The following BMPR2 variants were observed in gnomAD, a reference collection of about 807,000 sequenced individuals.
BMPR2 encodes the protein bone morphogenetic protein receptor type 2, also known as bone morphogenetic protein receptor type-2.
BMPR2 carries 29 observed loss-of-function variants against 100.8 expected under a neutral mutation model. The ratio of observed to expected loss-of-function variants is 0.29; its 90% confidence interval spans 0.21 to 0.39. The LOEUF (loss-of-function observed/expected upper bound fraction) is 0.39. BMPR2 is among the 10% of genes least tolerant of loss of function. The probability of loss-of-function intolerance (pLI) is 1.00; values close to 1 mark genes in which losing one functional copy is unlikely to be tolerated. For missense variants in BMPR2, 1,011 were observed against 1,274.5 expected, an observed-to-expected ratio of 0.79 and a Z score of 3.15; for synonymous variants, 382 against 442.3, an observed-to-expected ratio of 0.86 and a Z score of 1.71.
At chr2:202,500,404 T>A (rs950312711) in intron 3 of BMPR2, among the ~76,000 whole-genome samples, 1 of 152,220 alleles carries the variant, frequency 6.6e-6, no homozygotes, top group African/African-American at 2.4e-5. Flanking sequence ...AGGCTGGAGC[T>A]ATTATCTACA....
intron 1 of BMPR2, among the ~76,000 whole-genome samples, chr2:202,448,144 C>CTT (rs138944076): frequency 4.9e-5 from 7 of 143,170 alleles, no homozygotes; most frequent in East Asian, 2.0e-4. Context: ...AAGTATTTGA[C>CTT]TTTTTTTTTT....
chr2:202,511,882 G>A (rs969566154), intron 3 of BMPR2, among the ~76,000 whole-genome samples: 3 of 151,960 alleles, frequency 2.0e-5, no homozygotes, highest in African/African-American at 7.3e-5. Flanking sequence ...TTATCCAGGT[G>A]TGGTGCTACA....
At chr2:202,449,315 A>T (rs1691928153) in intron 1 of BMPR2, among the ~76,000 whole-genome samples, 1 of 106,398 alleles carries the variant, frequency 9.4e-6, no homozygotes, top group Admixed American at 8.7e-5. Context: ...TCTCAAATAA[A>T]TAAATAAATA....
intron 1 of BMPR2, among the ~76,000 whole-genome samples, chr2:202,435,207 C>CA (rs1291841878): frequency 4.1e-5 from 6 of 145,304 alleles, no homozygotes; most frequent in African/African-American, 8.0e-5. Context: ...TGAAAAAAGA[C>CA]AAAAAAATTA....
chr2:202,538,749 G>A (rs186632243), intron 9 of BMPR2, among the ~76,000 whole-genome samples: 128 of 147,110 alleles, frequency 8.7e-4, no homozygotes, highest in African/African-American at 3.1e-3. Flanking sequence ...AGCAGAGATC[G>A]CGCCACCGCA....
intron 9 of BMPR2, among the ~76,000 whole-genome samples, chr2:202,534,433 T>C (rs1023963905): frequency 2.0e-5 from 3 of 151,644 alleles, no homozygotes. Context: ...TGTCCCTGGG[T>C]ACTTGAGATT....
Position 202,414,461 on chromosome 2 carries a change from T to G in BMPR2, c.76+36911T>G, listed in dbSNP as rs149203067. 1.7e-4 allele frequency among the ~76,000 whole-genome samples: 26 copies of G among 152,268 alleles called. 1 individual carries two copies. Among genetic ancestry groups the G allele is most frequent in the African/African-American group, 6.3e-4 (26 of 41,570 alleles). On this transcript the variant is annotated intron_variant, in intron 1 of 12. Coordinates refer to ENST00000374580, the MANE Select transcript of BMPR2 (RefSeq NM_001204.7). ...AGAGTTGCACGTTTTTCACTTTAAATCAAAAGCTAAAAATGATTAGGCTTA... is the reference window on the plus strand; with the variant it reads ...AGAGTTGCACGTTTTTCACTTTAAAGCAAAAGCTAAAAATGATTAGGCTTA...
Position 202,466,861 on chromosome 2 carries a change from G to A in BMPR2, c.248-658G>A, listed in dbSNP as rs543764943. Among the ~76,000 whole-genome samples the A allele has an allele frequency of 7.2e-5, 11 of 151,794 alleles. No individual in the cohort carries two copies. The East Asian group carries it at 2.1e-3, about 29-fold the overall frequency. ...GATCCTCCTGCTTTGGCTTCCCAAC[G>A]TGCTGGGATTCTAGGCGTGAGCCAC... On this transcript the variant is annotated intron_variant, in intron 2 of 12. Coordinates refer to ENST00000374580, the MANE Select transcript of BMPR2 (RefSeq NM_001204.7).
intron 1 of BMPR2, among the ~76,000 whole-genome samples, chr2:202,381,694 C>T (rs1325846499): frequency 6.6e-6 from 1 of 152,182 alleles, no homozygotes; most frequent in Admixed American, 6.5e-5. Context: ...GGAGGCTTTT[C>T]TTACCCTTTG....
intron 1 of BMPR2, among the ~76,000 whole-genome samples, chr2:202,402,203 G>A (rs1241469251): frequency 2.0e-5 from 3 of 152,182 alleles, no homozygotes; most frequent in Non-Finnish European, 2.9e-5. Flanking sequence ...TGTGTCAAAT[G>A]AGTTTAGCAT....
At chr2:202,398,224 G>A (rs1394741907) in intron 1 of BMPR2, among the ~76,000 whole-genome samples, 1 of 151,938 alleles carries the variant, frequency 6.6e-6, no homozygotes, top group South Asian at 2.1e-4. Flanking sequence ...CTACTTAAAT[G>A]AGACTGTAGA....
At chr2:202,533,628 G>A (rs2106021052) in intron 9 of BMPR2, among the ~76,000 whole-genome samples, 1 of 152,200 alleles carries the variant, frequency 6.6e-6, no homozygotes, top group South Asian at 2.1e-4. Flanking sequence ...TTCGAGACCA[G>A]CCTGGCCAAT....
chr2:202,548,524 C>T (rs1250905332), intron 10 of BMPR2, among the ~76,000 whole-genome samples: 1 of 152,040 alleles, frequency 6.6e-6, no homozygotes, highest in East Asian at 1.9e-4. Flanking sequence ...ACCACCTACT[C>T]TATGTCCTAG....
At chr2:202,405,443 C>T (rs754067136) in intron 1 of BMPR2, among the ~76,000 whole-genome samples, 2 of 152,148 alleles carry the variant, frequency 1.3e-5, no homozygotes, top group South Asian at 4.2e-4. Context: ...AATCCCAGCA[C>T]TTTGGAGGGC....
At chr2:202,388,649 A>C (rs572918747) in intron 1 of BMPR2, among the ~76,000 whole-genome samples, 1 of 149,656 alleles carries the variant, frequency 6.7e-6, no homozygotes, top group African/African-American at 2.5e-5. Flanking sequence ...TTAGTTGGGC[A>C]TGGTGGTGGG....
intron 1 of BMPR2, among the ~76,000 whole-genome samples, chr2:202,406,570 G>A (rs1690895700): frequency 6.6e-6 from 1 of 152,194 alleles, no homozygotes; most frequent in African/African-American, 2.4e-5. Context: ...TGGAATATTT[G>A]TAGCATATTA....
chr2:202,477,927 G>A (rs1439914515), intron 3 of BMPR2, among the ~76,000 whole-genome samples: 2 of 152,144 alleles, frequency 1.3e-5, no homozygotes, highest in African/African-American at 2.4e-5. Context: ...CATTGTTCCT[G>A]AATTCCGTTT....
intron 7 of BMPR2, among the ~76,000 whole-genome samples, chr2:202,526,725 C>T (rs1168978634): frequency 6.6e-6 from 1 of 152,070 alleles, no homozygotes; most frequent in African/African-American, 2.4e-5. Flanking sequence ...AGAATGATTG[C>T]CATCAGATAT....
At chr2:202,443,458 CT>C (rs1161136823) in intron 1 of BMPR2, among the ~76,000 whole-genome samples, 1 of 150,514 alleles carries the variant, frequency 6.6e-6, no homozygotes, top group African/African-American at 2.5e-5. Flanking sequence ...ATTCCAATTT[CT>C]TTATATATTC....
Sources: allele counts gnomAD v4.1 joint callset (sites outside exome capture counted in the v4.1 genomes callset), GRCh38; gene constraint gnomAD v4.1.1; transcripts MANE v1.5; gene names NCBI Gene and HGNC (gene_info 2026-07-23, HGNC 2026-07-21).